IL33: variants seen among roughly 807,000 people sequenced by gnomAD.
The protein encoded by IL33 is interleukin-33.
In IL33, 37 loss-of-function variants were observed where a neutral mutation model predicts 27.3. The ratio of observed to expected loss-of-function variants is 1.36; its 90% CI spans 1.04 to 1.78. The LOEUF is 1.78. Ranked by LOEUF, IL33 falls within the 40% of genes most tolerant of loss-of-function variation. IL33 has a pLI of 0.00. For missense variants in IL33, 406 were observed against 311.4 expected (o/e 1.30, Z -2.29); for synonymous variants, 132 against 102.9 (o/e 1.28, Z -1.71).
intron 2 of IL33, among the ~76,000 whole-genome samples, chr9:6,247,363 G>A (rs957416026): frequency 1.2e-4 from 19 of 152,166 alleles, no homozygotes; most frequent in Non-Finnish European, 2.1e-4. Context: ...GCCACAGACA[G>A]GTCAAGGGTA....
chr9:6,237,548 T>C (rs1819293862), intron 1 of IL33, among the ~76,000 whole-genome samples: 1 of 152,128 alleles, frequency 6.6e-6, no homozygotes, highest in Non-Finnish European at 1.5e-5. Flanking sequence ...AACTAGTCCA[T>C]GAGGGTGATA....
intron 1 of IL33, among the ~76,000 whole-genome samples, chr9:6,230,995 G>C (rs773093800): frequency 5.9e-5 from 9 of 152,136 alleles, no homozygotes; most frequent in Non-Finnish European, 8.8e-5. Context: ...TGACATTAGA[G>C]ATAATATACA....
intron 4 of IL33, 89 bp from the exon 5 acceptor site, chr9:6,252,777 A>C: frequency 6.6e-7 from 1 of 1,520,398 alleles, no homozygotes. Context: ...AATGCAACTC[A>C]AATTGCAAAA....
intron 1 of IL33, among the ~76,000 whole-genome samples, chr9:6,225,294 C>T (rs1818579938): frequency 6.6e-6 from 1 of 152,136 alleles, no homozygotes; most frequent in Admixed American, 6.5e-5. Context: ...CCAAAAAGTT[C>T]CATGATAAAC....
At chr9:6,219,530 A>T (rs1818324261) in intron 1 of IL33, among the ~76,000 whole-genome samples, 1 of 152,156 alleles carries the variant, frequency 6.6e-6, no homozygotes, top group Non-Finnish European at 1.5e-5. Flanking sequence ...AATAGTAAAG[A>T]CACAAATTTT....
intron 1 of IL33, among the ~76,000 whole-genome samples, chr9:6,218,851 A>C (rs1818280658): frequency 8.4e-6 from 1 of 119,372 alleles, no homozygotes; most frequent in African/African-American, 3.6e-5. Flanking sequence ...CCATATATAT[A>C]TATGTTCTCC....
chr9:6,224,885 AT>A (rs888565477), intron 1 of IL33, among the ~76,000 whole-genome samples: 105 of 147,142 alleles, frequency 7.1e-4, no homozygotes, highest in African/African-American at 9.7e-4. Flanking sequence ...GGCAGAATAG[AT>A]TTTTTTTTTT....
chr9:6,251,417 G>A, intron 4 of IL33, 152 bp downstream of exon 4: 4 of 1,077,048 alleles, frequency 3.7e-6, no homozygotes, highest in Non-Finnish European at 5.3e-6. Flanking sequence ...CCATCTAATA[G>A]TATCCAAAGT....
chr9:6,253,651 G>C, intron 6 of IL33, 49 bp downstream of exon 6: 1 of 1,442,524 alleles, frequency 6.9e-7, no homozygotes, highest in Non-Finnish European at 9.6e-7. Context: ...TTAAGTATGG[G>C]GTAAAGATAA....
intron 7 of IL33, among the ~76,000 whole-genome samples, chr9:6,254,966 T>C (rs1816644974): frequency 6.6e-6 from 1 of 152,180 alleles, no homozygotes; most frequent in Non-Finnish European, 1.5e-5. Flanking sequence ...TATGTTCCTC[T>C]AGGAAACGTT....
Position 6,252,969 on chromosome 9 carries a change from C to A in IL33, c.447C>A (p.Asp149Glu). ...EDESYEIYVE[D>E]LKKDEKKDKV... ...AAAGTTATGAGATATATGTTGAAGA[C>A]TTGAAAAAAGATGAAAAGAAAGGTA... is the stretch of plus-strand genomic sequence containing the variant. The change falls in exon 5 of 8, where the codon GAC becomes GAA. Residue 149 changes from aspartate (D) to glutamate (E), a missense_variant. Asp to Glu is a conservative substitution (Grantham distance 45, BLOSUM62 2). Transcript: ENST00000682010. 1.9e-6 allele frequency: 3 copies of A among 1,546,446 alleles called. No individual in the cohort carries two copies. The highest frequency in any genetic ancestry group is 1.2e-5 in the South Asian group (1 of 83,810).
In IL33 at chr9:6,245,833, C is replaced by T. The variant is rs144542344; in HGVS notation, c.91+4048C>T. Reference sequence around the variant, plus strand: ...ATCCCAGAACTTTGGGAGGCTGAGGCGGGCGGATCATGAGGTCAAGAGATT... The same window carrying T: ...ATCCCAGAACTTTGGGAGGCTGAGGTGGGCGGATCATGAGGTCAAGAGATT... On this transcript the variant is annotated intron_variant, in intron 2 of 7. Coordinates refer to ENST00000682010, the MANE Select transcript of IL33 (RefSeq NM_033439.4). 8.3e-3 allele frequency among the ~76,000 whole-genome samples: 1,261 copies of T among 151,666 alleles called. 21 individuals carry two copies. Among genetic ancestry groups the T allele is most frequent in the African/African-American group, 0.029 (1,181 of 41,346 alleles).
In IL33 at chr9:6,257,252, C is replaced by G. The variant is rs976583869; in HGVS notation, c.*1084C>G. The stretch of plus-strand genomic sequence containing the variant: ...TTCTAATCCTTATTTCCCATGTGCA[C>G]AAGTCTTTTTGTATTCCAGCTTCCT... On this transcript the variant is annotated 3_prime_UTR_variant, in exon 8 of 8. Coordinates refer to ENST00000682010, the MANE Select transcript of IL33 (RefSeq NM_033439.4). The G allele has an allele frequency of 3.3e-5, 5 of 152,148 alleles. No individual in the cohort carries two copies. Among genetic ancestry groups the G allele is most frequent in the African/African-American group, 7.2e-5 (3 of 41,446 alleles). 9.4% of individuals were successfully genotyped at this position (152,148 alleles called of 1,614,324 possible). A position where few individuals can be genotyped will look rare whatever the true frequency, so the allele number is the denominator to read the frequency against.
chr9:6,215,637 G>T (rs1207841109), upstream of IL33: 1 of 152,206 alleles, frequency 6.6e-6, no homozygotes, highest in African/African-American at 2.4e-5. Flanking sequence ...GATGGAGGGA[G>T]GACGCAGAAA....
intron 1 of IL33, among the ~76,000 whole-genome samples, chr9:6,220,566 A>T (rs1356311136): frequency 6.6e-6 from 1 of 152,134 alleles, no homozygotes; most frequent in Non-Finnish European, 1.5e-5. Flanking sequence ...TTGGAGAATT[A>T]TTAGACCCAA....
intron 2 of IL33, among the ~76,000 whole-genome samples, chr9:6,247,897 C>G (rs1034552057): frequency 2.0e-5 from 3 of 151,890 alleles, no homozygotes; most frequent in African/African-American, 7.3e-5. Context: ...TGCTAGCCCC[C>G]ACATGTACAT....
chr9:6,232,568 T>C (rs1012264205), intron 1 of IL33, among the ~76,000 whole-genome samples: 3 of 152,148 alleles, frequency 2.0e-5, no homozygotes, highest in Non-Finnish European at 4.4e-5. Flanking sequence ...TATGATTATC[T>C]AAAATGTGAC....
intron 1 of IL33, among the ~76,000 whole-genome samples, chr9:6,232,685 C>T (rs1157143171): frequency 6.6e-6 from 1 of 152,178 alleles, no homozygotes; most frequent in Non-Finnish European, 1.5e-5. Context: ...AACCCTGGGC[C>T]CAACTACTTA....
intron 1 of IL33, among the ~76,000 whole-genome samples, chr9:6,240,350 C>A (rs931867272): frequency 6.6e-6 from 1 of 152,046 alleles, no homozygotes; most frequent in Admixed American, 6.5e-5. Context: ...AGGGGTTCAG[C>A]TGGGAGATGG....
Sources: gnomAD v4.1 joint callset for allele counts (sites outside exome capture counted in the v4.1 genomes callset) on GRCh38, gnomAD v4.1.1 for gene constraint, MANE v1.5 for transcripts, NCBI Gene and HGNC (gene_info 2026-07-23, HGNC 2026-07-21) for gene names.